SLC40A1: variants seen among roughly 807,000 people sequenced by gnomAD.
SLC40A1 encodes the protein solute carrier family 40 member 1, also known as ferroportin.
A neutral mutation model predicts 53.5 loss-of-function variants in SLC40A1; 16 were observed. The ratio of observed to expected loss-of-function variants is 0.30; its 90% CI spans 0.20 to 0.45. The LOEUF is 0.45. SLC40A1 is among the 20% of genes least tolerant of loss of function. The pLI is 1.00. For synonymous variants in SLC40A1, 247 were observed against 253.2 expected (o/e 0.98, Z 0.23); for missense variants, 545 against 695.4 (o/e 0.78, Z 2.43).
intron 3 of SLC40A1, among the ~76,000 whole-genome samples, chr2:189,573,317 G>A (rs1220356664): frequency 6.6e-6 from 1 of 152,044 alleles, no homozygotes; most frequent in East Asian, 1.9e-4. Flanking sequence ...TGTTGCTTAA[G>A]GTAAAACAAT....
intron 5 of SLC40A1, among the ~76,000 whole-genome samples, chr2:189,569,680 C>T (rs2031059586): frequency 6.6e-6 from 1 of 152,184 alleles, no homozygotes; most frequent in Admixed American, 6.5e-5. Context: ...TCCACCAGCC[C>T]ACACTGCTGG....
At chr2:189,571,564 G>T in intron 5 of SLC40A1, 151 bp downstream of exon 5, 1 of 1,295,632 alleles carries the variant, frequency 7.7e-7, no homozygotes, top group Admixed American at 2.2e-5. Context: ...CACTAAAACT[G>T]ACAATAAGGT....
intron 5 of SLC40A1, among the ~76,000 whole-genome samples, chr2:189,566,077 A>G (rs2030931462): frequency 6.6e-6 from 1 of 152,138 alleles, no homozygotes; most frequent in African/African-American, 2.4e-5. Context: ...CAAACACTGC[A>G]TATGTCAGAT....
In SLC40A1 at chr2:189,561,873, C is replaced by T. The variant is rs2030749855; in HGVS notation, c.*5G>A. On this transcript the variant is annotated 3_prime_UTR_variant, in exon 8 of 8. Coordinates refer to ENST00000261024, the MANE Select transcript of SLC40A1 (RefSeq NM_014585.6). ...TAGTAACAGGATAGCAACAGTTAAA[C>T]TGTCTCAAACAACAGATGTATTTGC... The T allele has an allele frequency of 2.5e-6, 4 of 1,611,132 alleles. No homozygotes were observed. The Middle Eastern group carries it at 4.9e-4, about 199-fold the overall frequency.
chr2:189,562,300 GTCT>G (rs2030768828), intron 7 of SLC40A1, 109 bp from the exon 8 acceptor site: 1 of 813,826 alleles, frequency 1.2e-6, no homozygotes, highest in African/African-American at 1.7e-5. Context: ...TAGCCTGACT[GTCT>G]TTAAGTCACC....
chr2:189,578,395 C>G (rs1341819572), intron 2 of SLC40A1: 14 of 1,001,188 alleles, frequency 1.4e-5, no homozygotes, highest in Non-Finnish European at 1.7e-5. Flanking sequence ...TCTTGTGGGA[C>G]TTTTAATGAA....
chr2:189,563,615 C>G lies in SLC40A1; in HGVS notation c.1371G>C (p.Leu457=), dbSNP rs375986187. The G allele has an allele frequency of 1.4e-5, 23 of 1,613,904 alleles. No homozygotes were observed. Among genetic ancestry groups the G allele is most frequent in the Non-Finnish European group, 1.6e-5 (19 of 1,179,970 alleles). Residue 457 remains leucine (L), a synonymous_variant, in exon 7 of 8, where the codon CTG becomes CTC. Coordinates refer to ENST00000261024, the MANE Select transcript of SLC40A1 (RefSeq NM_014585.6). ...TAGCAGCAATGACGCCTGCAAACAG[C>G]AGACTGACAGAGATTATGGGCACAG... The part of the protein sequence containing the change: ...PESVPIISVS[L]LFAGVIAARI...
In SLC40A1 at chr2:189,562,194, AT is replaced by A; in HGVS notation, c.1403-4del. 6.3e-7 allele frequency: 1 copy of A among 1,586,516 alleles called. No homozygotes were observed. ...AGTTAAATCAAAGGACCAAAGACCTATAATAAAATATTTTTTTAAAGATTAG... is the reference window on the plus strand; with the variant it reads ...AGTTAAATCAAAGGACCAAAGACCTAAATAAAATATTTTTTTAAAGATTAG... On this transcript the variant is annotated splice_polypyrimidine_tract_variant and splice_region_variant and intron_variant, in intron 7 of 7. Coordinates refer to ENST00000261024, the MANE Select transcript of SLC40A1 (RefSeq NM_014585.6).
In SLC40A1 at chr2:189,565,601, T is replaced by A; in HGVS notation, c.515-2A>T. On this transcript the variant is annotated splice_acceptor_variant, in intron 5 of 7. Transcript: ENST00000261024. LOFTEE classifies it high-confidence loss of function. ...TCCTTCGTATTGTGGCATTCATATC[T>A]AGAGAGGCAGGTGAAAGAGGCAGGT... 1 of 1,614,156 alleles carries A rather than the reference T, an allele frequency of 6.2e-7. No individual in the cohort carries two copies. The highest frequency in any genetic ancestry group is 8.5e-7 in the Non-Finnish European group (1 of 1,180,032).
chr2:189,567,037 G>A (rs2030959541), intron 5 of SLC40A1, among the ~76,000 whole-genome samples: 2 of 152,168 alleles, frequency 1.3e-5, no homozygotes, highest in Admixed American at 1.3e-4. Flanking sequence ...ACGAGAGGGG[G>A]CCAACTGAGC....
At chr2:189,576,885 T>C (rs1376477575) in intron 2 of SLC40A1, among the ~76,000 whole-genome samples, 1 of 152,176 alleles carries the variant, frequency 6.6e-6, no homozygotes, top group African/African-American at 2.4e-5. Flanking sequence ...AAGCAAGACA[T>C]CAAGACAAAT....
rs745823434 is a variant in SLC40A1, at chr2:189,563,830, A to T, written c.1156T>A (p.Leu386Met). ...SGLAQLSCLI[L>M]CVISVFMPGS... ...GGCATGAATACAGAGATCACACACA[A>T]GATCAAACAGGAAAGCTGTGCCAAT... The change falls in exon 7 of 8, where the codon TTG becomes ATG. Residue 386 changes from leucine (L) to methionine (M), a missense_variant. Transcript: ENST00000261024. 2 of 1,614,252 alleles carry T rather than the reference A, an allele frequency of 1.2e-6. No homozygotes were observed. Among genetic ancestry groups the T allele is most frequent in the South Asian group, 2.2e-5 (2 of 91,084 alleles).
chr2:189,579,992 G>T, intron 1 of SLC40A1, 112 bp from the exon 2 acceptor site: 2 of 1,076,256 alleles, frequency 1.9e-6, no homozygotes, highest in Non-Finnish European at 2.8e-6. Context: ...AAACTACTTT[G>T]CAGGACAAAC....
In SLC40A1 at chr2:189,561,721, C is replaced by G. The variant is rs544379912; in HGVS notation, c.*157G>C. On this transcript the variant is annotated 3_prime_UTR_variant, in exon 8 of 8. Transcript: ENST00000261024. ...ATAAGGGAAATTAATCAGTTAATTT[C>G]TGCTGACTTAGGTTTCCTAAACAGC... The G allele has an allele frequency of 3.7e-5, 24 of 654,146 alleles. No individual in the cohort carries two copies. The East Asian group carries it at 6.6e-4, about 18-fold the overall frequency. 40.5% of individuals were successfully genotyped at this position (654,146 alleles called of 1,614,324 possible). A position where few individuals can be genotyped will look rare whatever the true frequency, so the allele number is the denominator to read the frequency against.
chr2:189,569,119 G>A (rs1438338787), intron 5 of SLC40A1, among the ~76,000 whole-genome samples: 1 of 152,242 alleles, frequency 6.6e-6, no homozygotes, highest in Non-Finnish European at 1.5e-5. Flanking sequence ...TTGGCCTGAT[G>A]CCACTGAAAT....
intron 7 of SLC40A1, 31 bp from the exon 8 acceptor site, chr2:189,562,222 T>C (rs1305001727): frequency 1.3e-6 from 2 of 1,516,450 alleles, no homozygotes; most frequent in African/African-American, 1.4e-5. Flanking sequence ...AAAGATTAGA[T>C]TTTAGTTTAC....
chr2:189,580,305 T>C, intron 1 of SLC40A1, 113 bp downstream of exon 1: 1 of 1,129,256 alleles, frequency 8.9e-7, no homozygotes, highest in South Asian at 1.2e-5. Context: ...AGGATCTTTT[T>C]ACAAAGCTAT....
At chr2:189,575,055 A>T (rs1006795973) in intron 3 of SLC40A1, 106 bp downstream of exon 3, 3 of 1,291,490 alleles carry the variant, frequency 2.3e-6, no homozygotes, top group Middle Eastern at 1.9e-4. Flanking sequence ...TGGCATGCAG[A>T]CATTCCCTGG....
At chr2:189,567,554 C>T (rs1460960622) in intron 5 of SLC40A1, among the ~76,000 whole-genome samples, 2 of 152,172 alleles carry the variant, frequency 1.3e-5, no homozygotes, top group Non-Finnish European at 2.9e-5. Flanking sequence ...AAGTGATCTA[C>T]TTTTTCACTT....
Sources: allele counts gnomAD v4.1 joint callset (sites outside exome capture counted in the v4.1 genomes callset), GRCh38; gene constraint gnomAD v4.1.1; transcripts MANE v1.5; gene names NCBI Gene and HGNC (gene_info 2026-07-23, HGNC 2026-07-21).